The following CALN1 variants were observed in gnomAD, a reference collection of about 807,000 sequenced individuals.
CALN1 encodes the protein calcium-binding protein 8.
In CALN1, 17 loss-of-function variants were observed where a neutral mutation model predicts 30.6. The observed-to-expected ratio is 0.56, with a 90% confidence interval of 0.38 to 0.83. CALN1 has a LOEUF of 0.83. CALN1 is among the 40% of genes least tolerant of loss of function. CALN1 has a pLI of 0.00. For missense variants in CALN1, 291 were observed against 354.9 expected (o/e 0.82, Z 1.45); for synonymous variants, 156 against 131.4 (o/e 1.19, Z -1.28).
the CALN1 span, among the ~76,000 whole-genome samples, chr7:72,484,985 T>C: frequency 6.6e-6 from 1 of 152,220 alleles, no homozygotes; most frequent in African/African-American, 2.4e-5. Flanking sequence ...AGCTCTATAC[T>C]TTCTTGAATG....
At chr7:71,827,086 A>G (rs1337237344) in intron 5 of CALN1, among the ~76,000 whole-genome samples, 1 of 152,176 alleles carries the variant, frequency 6.6e-6, no homozygotes, top group Non-Finnish European at 1.5e-5. Context: ...TGGGCTTGTC[A>G]CAGAGCCTGG....
chr7:72,025,619 G>T (rs1330321394), intron 4 of CALN1, among the ~76,000 whole-genome samples: 1 of 152,144 alleles, frequency 6.6e-6, no homozygotes, highest in East Asian at 1.9e-4. Flanking sequence ...TCAAGGCATT[G>T]TTGGGTCCTC....
intron 3 of CALN1, among the ~76,000 whole-genome samples, chr7:72,215,204 T>G (rs1221840809): frequency 6.6e-6 from 1 of 152,100 alleles, no homozygotes; most frequent in Non-Finnish European, 1.5e-5. Flanking sequence ...AGATGAGGAT[T>G]GCAGATGTGG....
intron 3 of CALN1, among the ~76,000 whole-genome samples, chr7:72,182,471 C>G (rs574538475): frequency 2.6e-5 from 4 of 152,152 alleles, no homozygotes; most frequent in African/African-American, 7.2e-5. Flanking sequence ...TATAATCCAA[C>G]CACTTTAGGA....
Position 72,106,230 on chromosome 7 carries a change from C to A in CALN1, c.309G>T (p.Leu103=). The change falls in exon 4 of 7, where the codon CTG becomes CTT. Residue 103 remains leucine (L), a synonymous_variant. Coordinates refer to ENST00000395275, the MANE Select transcript of CALN1 (RefSeq NM_031468.4). ...DGNGFISKQE[L]GMAMRSLGYM... ...ACCCCAAAGAGCGCATGGCCATGCC[C>A]AGCTCCTGCTTGGAGATGAAGCCGT... is the stretch of plus-strand genomic sequence containing the variant. 6.2e-7 allele frequency: 1 copy of A among 1,614,054 alleles called. No individual in the cohort carries two copies. The highest frequency in any genetic ancestry group is 8.5e-7 in the Non-Finnish European group (1 of 1,180,024).
chr7:71,941,155 T>G (rs1332975845), intron 5 of CALN1, among the ~76,000 whole-genome samples: 1 of 151,894 alleles, frequency 6.6e-6, no homozygotes. Context: ...AAAACCAGCC[T>G]GGCCAACATG....
chr7:72,396,217 T>C (rs1805927029), intron 2 of CALN1, among the ~76,000 whole-genome samples: 1 of 114,340 alleles, frequency 8.7e-6, no homozygotes, highest in Non-Finnish European at 1.7e-5. Context: ...GTCAGCATGG[T>C]GAAACTCTTG....
chr7:72,124,786 A>C (rs1339245008), intron 3 of CALN1, among the ~76,000 whole-genome samples: 1 of 152,116 alleles, frequency 6.6e-6, no homozygotes, highest in Non-Finnish European at 1.5e-5. Flanking sequence ...GAAAAAAAAC[A>C]AATGAACTGA....
chr7:72,399,270 CTTTTT>C (rs5884888), intron 2 of CALN1, among the ~76,000 whole-genome samples: 7 of 106,776 alleles, frequency 6.6e-5, no homozygotes, highest in African/African-American at 1.1e-4. Flanking sequence ...TAACCTATTG[CTTTTT>C]TTTTTTTTTT....
chr7:71,831,207 G>A (rs1389068729), intron 5 of CALN1, among the ~76,000 whole-genome samples: 1 of 152,072 alleles, frequency 6.6e-6, no homozygotes, highest in Non-Finnish European at 1.5e-5. Context: ...AGGGCCAGGC[G>A]CGGTGGCTCA....
At chr7:72,353,366 G>A (rs1461453142) in intron 2 of CALN1, among the ~76,000 whole-genome samples, 1 of 152,032 alleles carries the variant, frequency 6.6e-6, no homozygotes, top group Non-Finnish European at 1.5e-5. Flanking sequence ...ATATAAAAAG[G>A]ATAAGACATC....
At chr7:72,111,908 G>A (rs557945863) in intron 3 of CALN1, among the ~76,000 whole-genome samples, 4 of 151,874 alleles carry the variant, frequency 2.6e-5, no homozygotes, top group Non-Finnish European at 5.9e-5. Flanking sequence ...CCACCATCAC[G>A]ACGGCTAATT....
the CALN1 span, among the ~76,000 whole-genome samples, chr7:72,486,211 A>C: frequency 1.3e-5 from 2 of 152,196 alleles, no homozygotes; most frequent in East Asian, 3.9e-4. Context: ...TATAGTAAAG[A>C]TACAATATTA....
the CALN1 span, among the ~76,000 whole-genome samples, chr7:72,479,599 C>T: frequency 2.4e-3 from 351 of 147,714 alleles, 3 homozygotes; most frequent in African/African-American, 8.8e-3. Context: ...GTCACCCAGA[C>T]TGGATTGCAA....
At chr7:71,991,304 C>CA (rs1471503659) in intron 5 of CALN1, among the ~76,000 whole-genome samples, 32 of 151,936 alleles carry the variant, frequency 2.1e-4, no homozygotes, top group African/African-American at 7.7e-4. Flanking sequence ...ACTAAAAATA[C>CA]AAAAATTAGC....
At chr7:72,263,858 C>T (rs1455274742) in intron 3 of CALN1, among the ~76,000 whole-genome samples, 1 of 152,286 alleles carries the variant, frequency 6.6e-6, no homozygotes, top group East Asian at 1.9e-4. Context: ...TTAGGCACTG[C>T]CTCAAGGATG....
chr7:71,893,548 G>C (rs1315225307), intron 5 of CALN1, among the ~76,000 whole-genome samples: 4 of 152,014 alleles, frequency 2.6e-5, no homozygotes, highest in African/African-American at 7.2e-5. Flanking sequence ...AAAATTAGCT[G>C]GGTGTGGTGG....
intron 5 of CALN1, among the ~76,000 whole-genome samples, chr7:71,871,430 T>C (rs1201168445): frequency 6.6e-6 from 1 of 151,984 alleles, no homozygotes; most frequent in East Asian, 1.9e-4. Context: ...CACAGCTGAA[T>C]GTGACTGGGA....
chr7:72,456,266 T>A, the CALN1 span, among the ~76,000 whole-genome samples: 1 of 151,614 alleles, frequency 6.6e-6, no homozygotes, highest in East Asian at 1.9e-4. Context: ...GTCGCACCTA[T>A]AATCCCAGCA....
Sources: allele counts gnomAD v4.1 joint callset (sites outside exome capture counted in the v4.1 genomes callset), GRCh38; gene constraint gnomAD v4.1.1; transcripts MANE v1.5; gene names NCBI Gene and HGNC (gene_info 2026-07-23, HGNC 2026-07-21).